The following FPR3 variants were observed in gnomAD, a reference collection of about 807,000 sequenced individuals.
FPR3 encodes N-formyl peptide receptor 3.
For synonymous variants in FPR3, 135 were observed against 163.6 expected, an observed-to-expected ratio of 0.83 and a Z score of 1.34; for missense variants, 346 against 443.2, an observed-to-expected ratio of 0.78 and a Z score of 1.97.
intron 1 of FPR3, among the ~76,000 whole-genome samples, chr19:51,813,911 C>T (rs1002415362): frequency 6.6e-5 from 10 of 152,142 alleles, no homozygotes; most frequent in African/African-American, 2.4e-4. Flanking sequence ...CCTTCTGGCT[C>T]TGGAGGGCCC....
intron 1 of FPR3, among the ~76,000 whole-genome samples, chr19:51,798,119 T>C (rs1198360055): frequency 1.3e-4 from 19 of 151,954 alleles, no homozygotes. Context: ...GATCAAGAAT[T>C]TACACCATCG....
chr19:51,801,904 C>T (rs1341234551), intron 1 of FPR3, among the ~76,000 whole-genome samples: 2 of 152,248 alleles, frequency 1.3e-5, no homozygotes, highest in Admixed American at 6.5e-5. Context: ...TTATCTGTAG[C>T]GTCGCCTAAA....
chr19:51,809,327 C>A (rs975570921), intron 1 of FPR3, among the ~76,000 whole-genome samples: 2 of 152,188 alleles, frequency 1.3e-5, no homozygotes, highest in African/African-American at 4.8e-5. Context: ...AAGTTAATTG[C>A]AAGGGCCAGG....
In FPR3 at chr19:51,824,313, G is replaced by C; in HGVS notation, c.565G>C (p.Glu189Gln). Residue 189 changes from glutamate to glutamine, a missense_variant, in exon 2 of 2, where the codon GAG becomes CAG. Coordinates refer to ENST00000339223, the MANE Select transcript of FPR3 (RefSeq NM_002030.5). This position sits in a 1 kb window ranked among gnomAD's most constrained non-coding sequence, Gnocchi z 4.7. ...NFAFWGDTAV[E>Q]RLNVFITMAK... Reference sequence around the variant, plus strand: ...TGCATTCTGGGGTGACACTGCTGTAGAGAGGTTGAACGTGTTCATTACCAT... The same window carrying C: ...TGCATTCTGGGGTGACACTGCTGTACAGAGGTTGAACGTGTTCATTACCAT... 1 of 1,614,168 alleles carries C rather than the reference G, an allele frequency of 6.2e-7. No homozygotes were observed. Among genetic ancestry groups the C allele is most frequent in the Non-Finnish European group, 8.5e-7 (1 of 1,180,018 alleles).
At chr19:51,821,637 T>A (rs2084190152) in intron 1 of FPR3, among the ~76,000 whole-genome samples, 1 of 152,096 alleles carries the variant, frequency 6.6e-6, no homozygotes, top group East Asian at 1.9e-4. Flanking sequence ...ACCATGATAC[T>A]AGGGTATGAC....
intron 1 of FPR3, among the ~76,000 whole-genome samples, chr19:51,801,642 G>A (rs950321920): frequency 2.0e-5 from 3 of 152,124 alleles, no homozygotes; most frequent in Non-Finnish European, 2.9e-5. Flanking sequence ...TTAACCGGGC[G>A]TGATGCTGGG....
chr19:51,805,173 T>C (rs1029400350), intron 1 of FPR3: 4 of 152,222 alleles, frequency 2.6e-5, no homozygotes, highest in Middle Eastern at 3.2e-3. Context: ...CATATCCCCC[T>C]GTTTATGAAT....
rs541859950 is a variant in FPR3, at chr19:51,813,460, C to A, written c.-10-10279C>A. ...GGCCCAGGGAATGATCTAAGGATGTCATGTTTCAGTGGTGAAAGATAAGGA... is the reference window on the plus strand; with the variant it reads ...GGCCCAGGGAATGATCTAAGGATGTAATGTTTCAGTGGTGAAAGATAAGGA... On this transcript the variant is annotated intron_variant, in intron 1 of 1. Coordinates refer to ENST00000339223, the MANE Select transcript of FPR3 (RefSeq NM_002030.5). Among the ~76,000 whole-genome samples the A allele has an allele frequency of 9.2e-5, 14 of 152,008 alleles. No individual in the cohort carries two copies. In the East Asian group the frequency reaches 2.5e-3, roughly 27 times the overall value.
At chr19:51,804,160 C>G (rs2084042559) in intron 1 of FPR3, 1 of 152,088 alleles carries the variant, frequency 6.6e-6, no homozygotes, top group Admixed American at 6.5e-5. Flanking sequence ...GCCTCGGCAT[C>G]CAGTCTAAAT....
At chr19:51,815,874 A>G (rs977222652) in intron 1 of FPR3, among the ~76,000 whole-genome samples, 5 of 150,156 alleles carry the variant, frequency 3.3e-5, no homozygotes, top group African/African-American at 1.0e-4. Flanking sequence ...AAAAAAAAGA[A>G]AAAAGAAAAA....
intron 1 of FPR3, among the ~76,000 whole-genome samples, chr19:51,800,205 G>A (rs961702812): frequency 5.3e-5 from 8 of 152,190 alleles, no homozygotes; most frequent in African/African-American, 1.9e-4. Flanking sequence ...CTTGGTTGCT[G>A]CATTCCTTGG....
In FPR3 at chr19:51,824,269, C is replaced by T. The variant is rs1200047047; in HGVS notation, c.521C>T (p.Thr174Ile). The change falls in exon 2 of 2, where the codon ACA (threonine) becomes ATA (isoleucine). Residue 174 changes from threonine (T) to isoleucine (I), a missense_variant. Thr to Ile is a moderately conservative substitution (Grantham distance 89). Coordinates refer to ENST00000339223, the MANE Select transcript of FPR3 (RefSeq NM_002030.5). The surrounding 1 kb of genome is among the most constrained non-coding windows in gnomAD (Gnocchi z 4.7). Reference sequence around the variant, plus strand: ...ACAATAAGTACTACGAATGGGGACACATACTGTATTTTCAACTTTGCATTC... The same window carrying T: ...ACAATAAGTACTACGAATGGGGACATATACTGTATTTTCAACTTTGCATTC... ...WTTISTTNGD[T>I]YCIFNFAFWG... 1.9e-6 allele frequency: 3 copies of T among 1,614,018 alleles called. No individual in the cohort carries two copies. The highest frequency in any genetic ancestry group is 1.1e-5 in the South Asian group (1 of 91,080).
intron 1 of FPR3, among the ~76,000 whole-genome samples, chr19:51,818,997 G>A (rs545230334): frequency 6.6e-6 from 1 of 152,344 alleles, no homozygotes; most frequent in Admixed American, 6.5e-5. Context: ...CAGGGCCATG[G>A]ACATGGGTAG....
intron 1 of FPR3, among the ~76,000 whole-genome samples, chr19:51,802,018 C>A (rs2084028909): frequency 6.6e-6 from 1 of 152,096 alleles, no homozygotes; most frequent in African/African-American, 2.4e-5. Context: ...TTGGCACTTA[C>A]AAATTGGCTT....
At chr19:51,810,561 T>C (rs932781260) in intron 1 of FPR3, among the ~76,000 whole-genome samples, 1 of 152,212 alleles carries the variant, frequency 6.6e-6, no homozygotes, top group African/African-American at 2.4e-5. Flanking sequence ...TAAGGGCCAT[T>C]ACCTAATAGC....
intron 1 of FPR3, among the ~76,000 whole-genome samples, chr19:51,807,826 C>T (rs1215105540): frequency 6.6e-6 from 1 of 152,176 alleles, no homozygotes; most frequent in East Asian, 1.9e-4. Flanking sequence ...TCTAAAGGAA[C>T]AATAATTTTG....
chr19:51,804,577 G>T (rs1481178395), intron 1 of FPR3, among the ~76,000 whole-genome samples: 3 of 152,078 alleles, frequency 2.0e-5, no homozygotes, highest in African/African-American at 7.2e-5. Context: ...GCACTGATTT[G>T]GTTTTGTGCC....
chr19:51,800,918 TAGAAAA>T (rs1413942841), intron 1 of FPR3, among the ~76,000 whole-genome samples: 2 of 151,746 alleles, frequency 1.3e-5, no homozygotes, highest in African/African-American at 4.8e-5. Context: ...TTATGTGAAA[TAGAAAA>T]AAAAGAGAGG....
At chr19:51,817,655 T>C (rs2084149537) in intron 1 of FPR3, 1 of 152,216 alleles carries the variant, frequency 6.6e-6, no homozygotes, top group African/African-American at 2.4e-5. Context: ...TCTGTTCTAC[T>C]CATCAATACA....
Sources: gnomAD v4.1 joint callset for allele counts (sites outside exome capture counted in the v4.1 genomes callset) on GRCh38, gnomAD v4.1.1 for gene constraint, Gnocchi (gnomAD v3.1) non-coding constraint, MANE v1.5 for transcripts, NCBI Gene and HGNC (gene_info 2026-07-23, HGNC 2026-07-21) for gene names.